FBXW7: variants seen among roughly 807,000 people sequenced by gnomAD.
The protein encoded by FBXW7 is F-box/WD repeat-containing protein 7.
In FBXW7, 11 loss-of-function variants were observed where a neutral mutation model predicts 86.3. The ratio of observed to expected loss-of-function variants is 0.13; its 90% CI spans 0.08 to 0.21. The LOEUF is 0.21. FBXW7 is among the 10% of genes least tolerant of loss of function. The pLI is 1.00. For synonymous variants in FBXW7, 313 were observed against 297.9 expected, an observed-to-expected ratio of 1.05 and a Z score of -0.52; for missense variants, 488 against 847.4, an observed-to-expected ratio of 0.58 and a Z score of 5.27.
intron 4 of FBXW7, among the ~76,000 whole-genome samples, chr4:152,388,891 T>C (rs1196855581): frequency 6.6e-6 from 1 of 152,140 alleles, no homozygotes; most frequent in Non-Finnish European, 1.5e-5. Flanking sequence ...AAACTATGCT[T>C]CTAACAGGGG....
chr4:152,360,938 C>T (rs931836990), intron 4 of FBXW7, among the ~76,000 whole-genome samples: 2 of 151,336 alleles, frequency 1.3e-5, no homozygotes, highest in Non-Finnish European at 2.9e-5. Flanking sequence ...AAAATATAGG[C>T]ATCTCTTCTC....
chr4:152,342,019 CTG>C (rs1730793892), intron 6 of FBXW7, among the ~76,000 whole-genome samples: 1 of 151,656 alleles, frequency 6.6e-6, no homozygotes, highest in Non-Finnish European at 1.5e-5. Flanking sequence ...TATTATTTTA[CTG>C]CTACTTGAAA....
At chr4:152,375,386 A>G (rs960302655) in intron 4 of FBXW7, among the ~76,000 whole-genome samples, 2 of 152,148 alleles carry the variant, frequency 1.3e-5, no homozygotes, top group Non-Finnish European at 2.9e-5. Flanking sequence ...ATAATAAATT[A>G]TCAAATCATA....
intron 2 of FBXW7, among the ~76,000 whole-genome samples, chr4:152,454,256 C>A (rs1317837658): frequency 7.8e-6 from 1 of 128,472 alleles, no homozygotes; most frequent in African/African-American, 2.8e-5. Flanking sequence ...TCTAAGCCCC[C>A]CCCCCCTTTT....
intron 4 of FBXW7, among the ~76,000 whole-genome samples, chr4:152,371,065 C>T (rs1733965045): frequency 6.6e-6 from 1 of 151,878 alleles, no homozygotes; most frequent in South Asian, 2.1e-4. Flanking sequence ...ATTGAAACTG[C>T]TAACATTTAG....
Position 152,535,842 on chromosome 4 carries a change from G to T in FBXW7, c.-928C>A. 2.6e-6 allele frequency: 1 copy of T among 390,458 alleles called. No individual in the cohort carries two copies. Among genetic ancestry groups the T allele is most frequent in the Admixed American group, 4.5e-5 (1 of 22,252 alleles). 24.2% of individuals were successfully genotyped at this position (390,458 alleles called of 1,614,324 possible). A position where few individuals can be genotyped will look rare whatever the true frequency, so the allele number is the denominator to read the frequency against. On this transcript the variant is annotated 5_prime_UTR_variant, in exon 1 of 14. Transcript: ENST00000281708. ...AGGCTCGGGCTCCGGCTCTGGCTCCGGCTCCGGCGTGTGCAGCCGCCGCTG... is the reference window on the plus strand; with the variant it reads ...AGGCTCGGGCTCCGGCTCTGGCTCCTGCTCCGGCGTGTGCAGCCGCCGCTG...
intron 2 of FBXW7, among the ~76,000 whole-genome samples, chr4:152,522,236 C>T (rs1436399414): frequency 6.6e-6 from 1 of 152,088 alleles, no homozygotes; most frequent in Non-Finnish European, 1.5e-5. Context: ...TCATAATACA[C>T]TTTTACATGA....
intron 2 of FBXW7, among the ~76,000 whole-genome samples, chr4:152,511,366 A>C (rs1366419053): frequency 4.8e-5 from 7 of 144,752 alleles, no homozygotes; most frequent in Admixed American, 2.2e-4. Flanking sequence ...TAAAAGTTCT[A>C]ATCCTCCATT....
At chr4:152,518,735 G>A (rs1295979116) in intron 2 of FBXW7, among the ~76,000 whole-genome samples, 1 of 152,146 alleles carries the variant, frequency 6.6e-6, no homozygotes, top group Non-Finnish European at 1.5e-5. Flanking sequence ...GGAACCAAGA[G>A]AAAATCTTTC....
intron 4 of FBXW7, chr4:152,353,026 C>G (rs1308543937): frequency 3.3e-6 from 4 of 1,200,924 alleles, no homozygotes; most frequent in Non-Finnish European, 4.1e-6. Flanking sequence ...AGCCCCCTCT[C>G]CCCTTTCAAA....
At chr4:152,468,556 A>G (rs1579286121) in intron 2 of FBXW7, among the ~76,000 whole-genome samples, 1 of 152,194 alleles carries the variant, frequency 6.6e-6, no homozygotes, top group East Asian at 1.9e-4. Flanking sequence ...AGGCAAACCT[A>G]TACAAACAGA....
chr4:152,470,971 A>G (rs923726375), intron 2 of FBXW7, among the ~76,000 whole-genome samples: 4 of 152,168 alleles, frequency 2.6e-5, no homozygotes, highest in African/African-American at 9.7e-5. Context: ...AGTCAGGAAT[A>G]AAGCTGTTTT....
chr4:152,534,040 A>G (rs1750244714), intron 2 of FBXW7, among the ~76,000 whole-genome samples: 1 of 152,222 alleles, frequency 6.6e-6, no homozygotes, highest in Non-Finnish European at 1.5e-5. Context: ...TGTATATGAA[A>G]TATTAATTAC....
In FBXW7 at chr4:152,411,717, A is replaced by G. The variant is rs1357003997; in HGVS notation, c.87T>C (p.Asp29=). ...LRGNPSSSQV[D]EEQMNRVVEE... ...CTACCACACGATTCATCTGTTCTTC[A>G]TCTACCTGGCTTGAGGAAGGGTTAC... is the stretch of plus-strand genomic sequence containing the variant. The change falls in exon 4 of 14, where the codon GAT becomes GAC. Residue 29 remains aspartate, a synonymous_variant. Coordinates refer to ENST00000281708, the MANE Select transcript of FBXW7 (RefSeq NM_001349798.2). 1.2e-6 allele frequency: 2 copies of G among 1,613,462 alleles called. No homozygotes were observed. The highest frequency in any genetic ancestry group is 2.2e-5 in the East Asian group (1 of 44,836).
intron 4 of FBXW7, among the ~76,000 whole-genome samples, chr4:152,390,222 G>C (rs1422103823): frequency 6.6e-6 from 1 of 150,422 alleles, no homozygotes; most frequent in Non-Finnish European, 1.5e-5. Flanking sequence ...TATTATTTGT[G>C]CCTAAGAACT....
chr4:152,377,546 G>A (rs376668357), intron 4 of FBXW7, among the ~76,000 whole-genome samples: 1 of 150,712 alleles, frequency 6.6e-6, no homozygotes, highest in African/African-American at 2.4e-5. Context: ...GCGGTCAGGA[G>A]TTCGAGACCA....
At chr4:152,366,947 T>C (rs1170527224) in intron 4 of FBXW7, among the ~76,000 whole-genome samples, 1 of 151,972 alleles carries the variant, frequency 6.6e-6, no homozygotes, top group Non-Finnish European at 1.5e-5. Flanking sequence ...TATGCAGCCA[T>C]AAAAAAGGAT....
intron 2 of FBXW7, among the ~76,000 whole-genome samples, chr4:152,439,865 C>CAAAAA (rs35657415): frequency 3.5e-5 from 2 of 57,144 alleles, no homozygotes; most frequent in African/African-American, 1.2e-4. Context: ...GACTCCGTCA[C>CAAAAA]AAAAAAAAAA....
chr4:152,495,340 C>G (rs1746228359), intron 2 of FBXW7, among the ~76,000 whole-genome samples: 1 of 152,014 alleles, frequency 6.6e-6, no homozygotes, highest in Non-Finnish European at 1.5e-5. Flanking sequence ...ACTCAGGAGG[C>G]TGAGGCAGAA....
Sources: gnomAD v4.1 joint callset for allele counts (sites outside exome capture counted in the v4.1 genomes callset) on GRCh38, gnomAD v4.1.1 for gene constraint, MANE v1.5 for transcripts, NCBI Gene and HGNC (gene_info 2026-07-23, HGNC 2026-07-21) for gene names.